The following FSHR variants were observed in gnomAD, a reference collection of about 807,000 sequenced individuals.
The protein encoded by FSHR is follicle stimulating hormone receptor.
In FSHR, 46 loss-of-function variants were observed where a neutral mutation model predicts 52.1. The observed-to-expected ratio is 0.88, with a 90% CI of 0.70 to 1.13. FSHR has a LOEUF of 1.13. FSHR is among the 50% of genes most tolerant of loss of function. The probability of loss-of-function intolerance (pLI) is 0.00; values close to 1 mark genes in which losing one functional copy is unlikely to be tolerated. For synonymous variants in FSHR, 399 were observed against 309.6 expected, an observed-to-expected ratio of 1.29 and a Z score of -3.03; for missense variants, 964 against 834.6, an observed-to-expected ratio of 1.16 and a Z score of -1.91.
intron 2 of FSHR, among the ~76,000 whole-genome samples, chr2:49,036,906 A>G (rs1294114866): frequency 6.6e-6 from 1 of 152,186 alleles, no homozygotes; most frequent in East Asian, 1.9e-4. Context: ...GAAAATTTAG[A>G]AATTATAAAA....
At chr2:49,077,369 G>A (rs924641694) in intron 1 of FSHR, among the ~76,000 whole-genome samples, 2 of 152,200 alleles carry the variant, frequency 1.3e-5, no homozygotes, top group Admixed American at 6.5e-5. Flanking sequence ...AGCTGGAGCA[G>A]CTGGAACACA....
Position 49,017,523 on chromosome 2 carries a change from C to T in FSHR, c.340G>A (p.Glu114Lys), listed in dbSNP as rs1558392325. 8.1e-6 allele frequency: 13 copies of T among 1,613,474 alleles called. No individual in the cohort carries two copies. Among genetic ancestry groups the T allele is most frequent in the Non-Finnish European group, 8.5e-6 (10 of 1,179,642 alleles). ...AGGTTGGGAAGGTTCTGGAAGGCCTCAGGGTTGATGTAGAGCAGGTTGTTG... is the reference window on the plus strand; with the variant it reads ...AGGTTGGGAAGGTTCTGGAAGGCCTTAGGGTTGATGTAGAGCAGGTTGTTG... ...KANNLLYINP[E>K]AFQNLPNLQY... The change falls in exon 4 of 10, where the codon GAG (glutamate) becomes AAG (lysine). Residue 114 changes from glutamate to lysine, a missense_variant. Transcript: ENST00000406846.
intron 4 of FSHR, among the ~76,000 whole-genome samples, chr2:49,012,790 C>T (rs1051686975): frequency 2.0e-5 from 3 of 152,098 alleles, no homozygotes; most frequent in Non-Finnish European, 4.4e-5. Flanking sequence ...TATCTGAAAT[C>T]GTTGCCATCT....
At chr2:49,057,178 A>G (rs1342202167) in intron 2 of FSHR, among the ~76,000 whole-genome samples, 3 of 152,122 alleles carry the variant, frequency 2.0e-5, no homozygotes, top group African/African-American at 7.2e-5. Flanking sequence ...GAGCAGAAAT[A>G]AATGAAATTA....
At chr2:49,116,743 G>T (rs957663780) in intron 1 of FSHR, among the ~76,000 whole-genome samples, 11 of 152,032 alleles carry the variant, frequency 7.2e-5, no homozygotes, top group Non-Finnish European at 1.0e-4. Flanking sequence ...GACAAATAAT[G>T]GGGTACAATA....
rs1470168477 is a variant in FSHR, at chr2:48,974,761, A to G, written c.669-5878T>C. ...AATTCCATAGAAATTTATATTAGCC[A>G]GGGACAAAGATGAGATAAGTAGATC... On this transcript the variant is annotated intron_variant, in intron 8 of 9. Coordinates refer to ENST00000406846, the MANE Select transcript of FSHR (RefSeq NM_000145.4). Among the ~76,000 whole-genome samples the G allele has an allele frequency of 2.0e-5, 3 of 150,456 alleles. No homozygotes were observed. In the East Asian group the frequency reaches 5.9e-4, roughly 29 times the overall value.
At chr2:49,124,153 C>T (rs375719786) in intron 1 of FSHR, among the ~76,000 whole-genome samples, 10 of 125,682 alleles carry the variant, frequency 8.0e-5, no homozygotes, top group African/African-American at 3.0e-4. Context: ...CCACCACGTC[C>T]GGCTAATTTT....
At chr2:49,123,957 A>G (rs1468033344) in intron 1 of FSHR, among the ~76,000 whole-genome samples, 1 of 151,824 alleles carries the variant, frequency 6.6e-6, no homozygotes, top group Non-Finnish European at 1.5e-5. Context: ...CTGAGGTATA[A>G]TGTAACTCTT....
chr2:49,142,430 A>G (rs1315945701), intron 1 of FSHR, among the ~76,000 whole-genome samples: 1 of 152,184 alleles, frequency 6.6e-6, no homozygotes, highest in Non-Finnish European at 1.5e-5. Context: ...AAGAGTAGAA[A>G]GGGGTCCAGG....
chr2:48,986,870 T>C (rs2104085780), intron 6 of FSHR, among the ~76,000 whole-genome samples: 1 of 152,344 alleles, frequency 6.6e-6, no homozygotes, highest in East Asian at 1.9e-4. Flanking sequence ...TCAATGATAC[T>C]GTGAGAACAA....
Position 48,962,176 on chromosome 2 carries a change from A to G in FSHR, c.*557T>C, listed in dbSNP as rs1048425042. On this transcript the variant is annotated 3_prime_UTR_variant, in exon 10 of 10. Coordinates refer to ENST00000406846, the MANE Select transcript of FSHR (RefSeq NM_000145.4). ...AACTGGAAACACATGAGGAAGGGAA[A>G]TCTGGGAAATGTATTTCAGCCTATC... The G allele has an allele frequency of 1.8e-5, 3 of 168,822 alleles. No individual in the cohort carries two copies. The highest frequency in any genetic ancestry group is 3.9e-5 in the Non-Finnish European group (3 of 77,870). The allele number at this position is 168,822 out of a possible 1,614,324, so 10.5% of individuals were successfully genotyped here.
At chr2:49,010,338 TTG>T (rs1667223409) in intron 4 of FSHR, among the ~76,000 whole-genome samples, 1 of 149,206 alleles carries the variant, frequency 6.7e-6, no homozygotes, top group Non-Finnish European at 1.5e-5. Flanking sequence ...ATTTATTGAT[TTG>T]TGTATATTGA....
rs1268678977 is a variant in FSHR at position 49,150,345 on chromosome 2, A to C, written c.152+3921T>G. Among the ~76,000 whole-genome samples, 3 of 152,218 alleles carry C rather than the reference A, an allele frequency of 2.0e-5. No individual in the cohort carries two copies. In the East Asian group the frequency reaches 5.8e-4, roughly 29 times the overall value. ...GGTTGTAAACTACCTCAGAGTTATA[A>C]AGATCTTTATATCAATTTTCCAAAA... is the stretch of plus-strand genomic sequence containing the variant. On this transcript the variant is annotated intron_variant, in intron 1 of 9. Coordinates refer to ENST00000406846, the MANE Select transcript of FSHR (RefSeq NM_000145.4).
At chr2:49,102,848 C>T (rs1187232643) in intron 1 of FSHR, among the ~76,000 whole-genome samples, 1 of 151,500 alleles carries the variant, frequency 6.6e-6, no homozygotes, top group Non-Finnish European at 1.5e-5. Flanking sequence ...ATTTCTGCCA[C>T]GGTTTGTTAT....
At chr2:49,090,222 T>C (rs984962787) in intron 1 of FSHR, among the ~76,000 whole-genome samples, 5 of 152,136 alleles carry the variant, frequency 3.3e-5, no homozygotes, top group Non-Finnish European at 7.4e-5. Flanking sequence ...ACAATCGGGA[T>C]ATGGAACAGC....
At chr2:49,115,017 C>T (rs1307597273) in intron 1 of FSHR, among the ~76,000 whole-genome samples, 1 of 150,994 alleles carries the variant, frequency 6.6e-6, no homozygotes, top group Non-Finnish European at 1.5e-5. Context: ...CCATTCCTGC[C>T]CTTAGAACAT....
chr2:48,983,528 C>T (rs775712160), intron 6 of FSHR, among the ~76,000 whole-genome samples: 32 of 152,146 alleles, frequency 2.1e-4, no homozygotes, highest in South Asian at 6.2e-4. Flanking sequence ...TCCTGAAGGA[C>T]AGGAATCGTA....
intron 2 of FSHR, among the ~76,000 whole-genome samples, chr2:49,044,428 C>G (rs2104289001): frequency 6.6e-6 from 1 of 152,246 alleles, no homozygotes; most frequent in East Asian, 1.9e-4. Context: ...TGGTAATGAA[C>G]TCTTATTGCT....
chr2:49,088,373 G>T (rs1476898145), intron 1 of FSHR, among the ~76,000 whole-genome samples: 1 of 152,168 alleles, frequency 6.6e-6, no homozygotes, highest in Non-Finnish European at 1.5e-5. Context: ...GAAACACAAA[G>T]ATGCCCCAAG....
Sources: allele counts gnomAD v4.1 joint callset (sites outside exome capture counted in the v4.1 genomes callset), GRCh38; gene constraint gnomAD v4.1.1; transcripts MANE v1.5; gene names NCBI Gene and HGNC (gene_info 2026-07-23, HGNC 2026-07-21).